Variants in TBK1 observed in about 807,000 individuals in gnomAD.
TBK1 encodes TANK binding kinase 1.
In TBK1, 37 loss-of-function variants were observed where a neutral mutation model predicts 99.9. The ratio of observed to expected loss-of-function variants is 0.37; its 90% CI spans 0.28 to 0.49. TBK1 has a LOEUF of 0.49. TBK1 is among the 20% of genes least tolerant of loss of function. TBK1 has a pLI of 0.98. For missense variants in TBK1, 644 were observed against 872.5 expected, an observed-to-expected ratio of 0.74 and a Z score of 3.30; for synonymous variants, 258 against 279.8, an observed-to-expected ratio of 0.92 and a Z score of 0.78.
chr12:64,454,991 C>CTT, intron 1 of TBK1, among the ~76,000 whole-genome samples: 1 of 107,538 alleles, frequency 9.3e-6, no homozygotes, highest in South Asian at 2.9e-4. Flanking sequence ...TTTTTTTTTT[C>CTT]TTTTTTTTTT....
At position 64,453,378 on chromosome 12, in the gene TBK1, G is replaced by A. The variant is rs1011493335; in HGVS notation, c.-32+1191G>A. On this transcript the variant is annotated intron_variant, in intron 1 of 20. Transcript: ENST00000331710. Reference sequence around the variant, plus strand: ...TTACATTGATTAGGGAAGGTTTTTCGTTAGATAGTTGAGACGTTTGTTATT... The same window carrying A: ...TTACATTGATTAGGGAAGGTTTTTCATTAGATAGTTGAGACGTTTGTTATT... Among the ~76,000 whole-genome samples, 3 of 152,126 alleles carry A rather than the reference G, an allele frequency of 2.0e-5. 1 individual carries two copies. Among genetic ancestry groups the A allele is most frequent in the Admixed American group, 2.0e-4 (3 of 15,280 alleles).
Position 64,486,438 on chromosome 12 carries a change from T to C in TBK1, c.1340+421T>C, listed in dbSNP as rs1187675214. Reference sequence around the variant, plus strand: ...ACAGTCCTTTTTTATCACACCGTATTTTTTTTTTTTCTTTTTGAGACAGGG... The same window carrying C: ...ACAGTCCTTTTTTATCACACCGTATCTTTTTTTTTTCTTTTTGAGACAGGG... On this transcript the variant is annotated intron_variant, in intron 11 of 20. Coordinates refer to ENST00000331710, the MANE Select transcript of TBK1 (RefSeq NM_013254.4). Among the ~76,000 whole-genome samples, 5 of 148,950 alleles carry C rather than the reference T, an allele frequency of 3.4e-5. No homozygotes were observed. In the South Asian group the frequency reaches 1.1e-3, roughly 31 times the overall value.
intron 6 of TBK1, among the ~76,000 whole-genome samples, chr12:64,477,426 A>T (rs989204470): frequency 2.6e-5 from 4 of 152,218 alleles, no homozygotes; most frequent in Non-Finnish European, 5.9e-5. Context: ...TGGCTATGGT[A>T]AATGGGATTG....
At chr12:64,476,712 G>T (rs2040717675) in intron 6 of TBK1, among the ~76,000 whole-genome samples, 1 of 152,060 alleles carries the variant, frequency 6.6e-6, no homozygotes, top group African/African-American at 2.4e-5. Flanking sequence ...TGTTGCATTT[G>T]ATTTTGGGGT....
chr12:64,454,672 C>CTTT (rs11358053), intron 1 of TBK1, among the ~76,000 whole-genome samples: 1,903 of 83,614 alleles, frequency 0.023, 29 homozygotes, highest in East Asian at 0.043. Context: ...AAACTCAGAT[C>CTTT]TTTTTTTTTT....
chr12:64,476,037 A>T (rs562369739), intron 6 of TBK1, among the ~76,000 whole-genome samples: 72 of 137,510 alleles, frequency 5.2e-4, no homozygotes, highest in African/African-American at 1.9e-3. Flanking sequence ...ACTTTTTTTT[A>T]TTTTTTTATA....
chr12:64,453,443 C>A (rs529822865), intron 1 of TBK1, among the ~76,000 whole-genome samples: 2 of 152,114 alleles, frequency 1.3e-5, no homozygotes, highest in African/African-American at 4.8e-5. Context: ...AATGTGTATT[C>A]CTTATTTGTG....
chr12:64,496,551 C>T, intron 16 of TBK1, 145 bp downstream of exon 16: 1 of 500,094 alleles, frequency 2.0e-6, no homozygotes, highest in Non-Finnish European at 3.4e-6. Flanking sequence ...AATATGTAGA[C>T]ATTTTTGAGG....
chr12:64,463,099 T>C (rs1046696354), intron 3 of TBK1, among the ~76,000 whole-genome samples: 3 of 152,174 alleles, frequency 2.0e-5, no homozygotes, highest in African/African-American at 4.8e-5. Flanking sequence ...AGCACTGGTG[T>C]GGTGACTCAC....
At chr12:64,494,872 A>G (rs2040909665) in intron 13 of TBK1, among the ~76,000 whole-genome samples, 1 of 152,244 alleles carries the variant, frequency 6.6e-6, no homozygotes, top group South Asian at 2.1e-4. Context: ...GAAAGGCAAT[A>G]GTGTGTATCA....
At chr12:64,485,632 C>G in intron 10 of TBK1, 119 bp downstream of exon 10, 1 of 515,456 alleles carries the variant, frequency 1.9e-6, no homozygotes, top group Non-Finnish European at 3.3e-6. Flanking sequence ...AAATTATTCA[C>G]TTAAATTGAT....
chr12:64,486,483 G>A (rs1013052366), intron 11 of TBK1, among the ~76,000 whole-genome samples: 2 of 151,142 alleles, frequency 1.3e-5, no homozygotes, highest in African/African-American at 4.9e-5. Flanking sequence ...CACCCAGGCT[G>A]GAGTGCAGTG....
At chr12:64,454,318 C>T (rs892313923) in intron 1 of TBK1, among the ~76,000 whole-genome samples, 3 of 152,154 alleles carry the variant, frequency 2.0e-5, no homozygotes, top group African/African-American at 7.2e-5. Context: ...GCGATCTCAG[C>T]TCACTGCAAC....
chr12:64,501,638 G>A lies in TBK1; in HGVS notation c.*257G>A, dbSNP rs1024454385. On this transcript the variant is annotated 3_prime_UTR_variant, in exon 21 of 21. Transcript: ENST00000331710. The stretch of plus-strand genomic sequence containing the variant: ...TGATCACGAGAAGAAAGCCATGACC[G>A]ACCAATATGTTGACATACTGATCCT... 1.5e-5 allele frequency: 6 copies of A among 398,308 alleles called. No homozygotes were observed. Among genetic ancestry groups the A allele is most frequent in the Middle Eastern group, 7.1e-4 (1 of 1,404 alleles). 24.7% of individuals were successfully genotyped at this position (398,308 alleles called of 1,614,324 possible).
intron 2 of TBK1, among the ~76,000 whole-genome samples, chr12:64,457,735 C>G (rs1471609569): frequency 2.0e-5 from 3 of 152,196 alleles, no homozygotes; most frequent in Non-Finnish European, 4.4e-5. Flanking sequence ...TATCCTGCTC[C>G]TCTTTCCTTA....
chr12:64,498,062 C>T (rs1212446021), intron 20 of TBK1, 23 bp downstream of exon 20: 6 of 1,568,784 alleles, frequency 3.8e-6, no homozygotes, highest in Middle Eastern at 1.7e-4. Context: ...AAAATAATTA[C>T]TGTGATTTTC....
At chr12:64,486,467 C>G (rs1057388768) in intron 11 of TBK1, among the ~76,000 whole-genome samples, 1 of 150,932 alleles carries the variant, frequency 6.6e-6, no homozygotes, top group African/African-American at 2.4e-5. Flanking sequence ...GACAGGGTCT[C>G]GCTGTCACCC....
intron 6 of TBK1, among the ~76,000 whole-genome samples, chr12:64,475,258 C>G (rs1298568925): frequency 1.3e-5 from 2 of 151,942 alleles, no homozygotes; most frequent in East Asian, 1.9e-4. Flanking sequence ...TGTATTGTCA[C>G]AATTTTTTTT....
In TBK1 at chr12:64,488,606, T is replaced by A; in HGVS notation, c.1442+18T>A. Reference sequence around the variant, plus strand: ...GTGAAAGTGTGAGTAGACTACTTCCTTACTAGTAGGGGTTAAATTATTAAA... The same window carrying A: ...GTGAAAGTGTGAGTAGACTACTTCCATACTAGTAGGGGTTAAATTATTAAA... On this transcript the variant is annotated intron_variant, in intron 12 of 20. Coordinates refer to ENST00000331710, the MANE Select transcript of TBK1 (RefSeq NM_013254.4). 1 of 1,469,492 alleles carries A rather than the reference T, an allele frequency of 6.8e-7. No homozygotes were observed. Among genetic ancestry groups the A allele is most frequent in the South Asian group, 1.2e-5 (1 of 81,424 alleles). The allele number at this position is 1,469,492 out of a possible 1,614,324, so 91.0% of individuals were successfully genotyped here.
Sources: allele counts gnomAD v4.1 joint callset (sites outside exome capture counted in the v4.1 genomes callset), GRCh38; gene constraint gnomAD v4.1.1; transcripts MANE v1.5; gene names NCBI Gene and HGNC (gene_info 2026-07-23, HGNC 2026-07-21).